Variants in ZC3H13 observed in about 807,000 individuals in gnomAD.
The protein encoded by ZC3H13 is zinc finger CCCH domain-containing protein 13.
In ZC3H13, 64 loss-of-function variants were observed where a neutral mutation model predicts 204.1. The ratio of observed to expected loss-of-function variants is 0.31; its 90% CI spans 0.26 to 0.39. The LOEUF is 0.39. Ranked by LOEUF, ZC3H13 falls within the 10% of genes least tolerant of loss-of-function variation. The pLI is 1.00. For missense variants in ZC3H13, 1,833 were observed against 2,082.7 expected (o/e 0.88, Z 2.33); for synonymous variants, 667 against 693.7 (o/e 0.96, Z 0.60).
intron 1 of ZC3H13, among the ~76,000 whole-genome samples, chr13:46,046,310 A>G (rs1361061406): frequency 6.6e-6 from 1 of 152,120 alleles, no homozygotes; most frequent in African/African-American, 2.4e-5. Context: ...AATTGTAAAA[A>G]TATTTTTATT....
At chr13:46,005,960 T>A (rs2041113327) in intron 7 of ZC3H13, among the ~76,000 whole-genome samples, 1 of 151,720 alleles carries the variant, frequency 6.6e-6, no homozygotes, top group Admixed American at 6.6e-5. Flanking sequence ...CCAGGTGTGG[T>A]GGCGCACGCC....
intron 8 of ZC3H13, among the ~76,000 whole-genome samples, chr13:45,998,221 T>C (rs962865538): frequency 6.6e-5 from 10 of 152,238 alleles, no homozygotes; most frequent in East Asian, 1.9e-4. Flanking sequence ...CTCAGAAACA[T>C]AGGTTTGGTT....
intron 8 of ZC3H13, among the ~76,000 whole-genome samples, chr13:45,996,379 A>C (rs1261191110): frequency 6.6e-6 from 1 of 152,204 alleles, no homozygotes. Context: ...CATCTCTTCT[A>C]AACAATTTAC....
intron 8 of ZC3H13, among the ~76,000 whole-genome samples, chr13:45,999,108 C>A (rs957365319): frequency 1.3e-5 from 2 of 152,032 alleles, no homozygotes; most frequent in Admixed American, 6.6e-5. Flanking sequence ...AGTGTGGCAA[C>A]GCAAGCCTGT....
rs905379548 is a variant in ZC3H13, at chr13:45,969,628, C to T, written c.2916G>A (p.Glu972=). The T allele has an allele frequency of 3.5e-5, 57 of 1,609,720 alleles. No homozygotes were observed. Among genetic ancestry groups the T allele is most frequent in the Non-Finnish European group, 4.3e-5 (51 of 1,179,152 alleles). The change falls in exon 14 of 19, where the codon GAG becomes GAA. Residue 972 remains glutamate, a synonymous_variant. Coordinates refer to ENST00000679008, the MANE Select transcript of ZC3H13 (RefSeq NM_001330564.2). The stretch of plus-strand genomic sequence containing the variant: ...TACCCCTCTCTATTCCAACATCATC[C>T]TCTTTCTTTTTCTTAATTGGTTTCT... ...IQKKPIKKKK[E]DDVGIERGNI...
chr13:46,052,710 A>G lies in ZC3H13; in HGVS notation c.-316T>C. ...ACAAAAACACTACCAGGCCGCTAGG[A>G]GGACCGCCTCAAAATGCCGCCGGAA... On this transcript the variant is annotated 5_prime_UTR_variant, in exon 1 of 19. Coordinates refer to ENST00000679008, the MANE Select transcript of ZC3H13 (RefSeq NM_001330564.2). 2 of 398,468 alleles carry G rather than the reference A, an allele frequency of 5.0e-6. No individual in the cohort carries two copies. The highest frequency in any genetic ancestry group is 8.8e-6 in the Non-Finnish European group (2 of 226,016). 24.7% of individuals were successfully genotyped at this position (398,468 alleles called of 1,614,324 possible).
At chr13:45,974,855 C>CT (rs113260299) in intron 12 of ZC3H13, among the ~76,000 whole-genome samples, 193 of 146,004 alleles carry the variant, frequency 1.3e-3, no homozygotes, top group African/African-American at 1.8e-3. Context: ...ACTGAAAAAA[C>CT]TTTTTTTTTT....
Position 45,976,931 on chromosome 13 carries a change from G to C in ZC3H13, c.1913-1093C>G, listed in dbSNP as rs567985743. Among the ~76,000 whole-genome samples, 4 of 152,204 alleles carry C rather than the reference G, an allele frequency of 2.6e-5. No individual in the cohort carries two copies. The East Asian group carries it at 7.7e-4, about 29-fold the overall frequency. ...AGGAAGGGTTCAATACAGTATTCTG[G>C]ATTTCCCTTCCTAATCACTGATTGA... On this transcript the variant is annotated intron_variant, in intron 11 of 18. Transcript: ENST00000679008.
At chr13:46,051,461 T>C (rs531690255) in intron 1 of ZC3H13, among the ~76,000 whole-genome samples, 1 of 152,200 alleles carries the variant, frequency 6.6e-6, no homozygotes, top group Non-Finnish European at 1.5e-5. Context: ...ATAAAAATTA[T>C]TTGAAAATCT....
intron 8 of ZC3H13, among the ~76,000 whole-genome samples, chr13:45,999,026 C>A (rs1176003804): frequency 6.6e-6 from 1 of 152,112 alleles, no homozygotes; most frequent in Non-Finnish European, 1.5e-5. Flanking sequence ...TTACTTGAGT[C>A]CAGGAGTTCA....
In ZC3H13 at chr13:45,988,859, T is replaced by C. The variant is rs909345230; in HGVS notation, c.1183A>G (p.Met395Val). 3.7e-6 allele frequency: 6 copies of C among 1,614,202 alleles called. No individual in the cohort carries two copies. The highest frequency in any genetic ancestry group is 3.3e-5 in the Admixed American group (2 of 60,030). Reference protein sequence around the residue: ...KQSPPRHRSPMREKGRHDHER... With the variant: ...KQSPPRHRSPVREKGRHDHER... ...TGATCATGTCTCCCTTTCTCTCGCA[T>C]TGGAGAGCGATGTCTTGGAGGACTC... The change falls in exon 9 of 19, where the codon ATG becomes GTG. Residue 395 changes from methionine (M) to valine (V), a missense_variant. Coordinates refer to ENST00000679008, the MANE Select transcript of ZC3H13 (RefSeq NM_001330564.2).
At chr13:46,036,580 A>G (rs1270471097) in intron 4 of ZC3H13, among the ~76,000 whole-genome samples, 1 of 152,238 alleles carries the variant, frequency 6.6e-6, no homozygotes, top group Non-Finnish European at 1.5e-5. Context: ...GAGGTGGAAA[A>G]GAAAAAAAAC....
intron 12 of ZC3H13, among the ~76,000 whole-genome samples, chr13:45,970,901 T>C (rs1214467299): frequency 6.6e-6 from 1 of 152,196 alleles, no homozygotes; most frequent in East Asian, 1.9e-4. Flanking sequence ...TGAGTTCAAC[T>C]TATAACTACA....
chr13:45,975,919 T>C (rs1953004385), intron 11 of ZC3H13, 81 bp from the exon 12 acceptor site: 2 of 1,376,272 alleles, frequency 1.5e-6, no homozygotes, highest in South Asian at 1.4e-5. Context: ...TCTTAAATTT[T>C]ATCTGTGATA....
intron 13 of ZC3H13, 51 bp downstream of exon 13, chr13:45,970,311 T>C (rs1223373626): frequency 3.8e-6 from 6 of 1,581,272 alleles, no homozygotes; most frequent in South Asian, 2.2e-5. Flanking sequence ...GATGGTTTCA[T>C]GGTTACAAAT....
intron 13 of ZC3H13, 121 bp from the exon 14 acceptor site, chr13:45,970,092 G>A: frequency 7.8e-7 from 1 of 1,274,490 alleles, no homozygotes; most frequent in Non-Finnish European, 1.1e-6. Flanking sequence ...GCCGAGGCAG[G>A]TGGATCATGA....
chr13:46,003,092 A>G (rs2040865492), intron 8 of ZC3H13, 47 bp downstream of exon 8: 3 of 1,577,742 alleles, frequency 1.9e-6, no homozygotes, highest in African/African-American at 2.7e-5. Flanking sequence ...TAAATATTCT[A>G]TATTCTACAA....
intron 8 of ZC3H13, among the ~76,000 whole-genome samples, chr13:46,002,054 A>C (rs2040787638): frequency 6.6e-6 from 1 of 152,200 alleles, no homozygotes; most frequent in Non-Finnish European, 1.5e-5. Context: ...AGAACTCAAC[A>C]GAAAAAAAAT....
intron 5 of ZC3H13, among the ~76,000 whole-genome samples, chr13:46,012,621 AC>A (rs150519209): frequency 0.015 from 2,221 of 152,270 alleles, 50 homozygotes; most frequent in African/African-American, 0.049. Context: ...TACCTGTGTG[AC>A]TAAGCTTGAT....
Sources: allele counts gnomAD v4.1 joint callset (sites outside exome capture counted in the v4.1 genomes callset), GRCh38; gene constraint gnomAD v4.1.1; transcripts MANE v1.5; gene names NCBI Gene and HGNC (gene_info 2026-07-23, HGNC 2026-07-21).